The following CYTH1 variants were observed in gnomAD, a reference collection of about 807,000 sequenced individuals.
The protein encoded by CYTH1 is cytohesin 1, also known as cytohesin-1.
CYTH1 carries 18 observed loss-of-function variants against 61.8 expected under a neutral mutation model. The observed-to-expected ratio is 0.29, with a 90% confidence interval of 0.20 to 0.43. The LOEUF (loss-of-function observed/expected upper bound fraction) is 0.43. Among genes scored for constraint, CYTH1 ranks in the 20% least tolerant of loss-of-function variants. CYTH1 has a pLI of 1.00. For missense variants in CYTH1, 336 were observed against 510.5 expected, an observed-to-expected ratio of 0.66 and a Z score of 3.29; for synonymous variants, 174 against 184.3, an observed-to-expected ratio of 0.94 and a Z score of 0.45.
intron 7 of CYTH1, 37 bp from the exon 8 acceptor site, chr17:78,699,005 T>C (rs370877316): frequency 2.5e-6 from 4 of 1,599,710 alleles, no homozygotes; most frequent in East Asian, 2.3e-5. Context: ...AGCCGTTGCA[T>C]GCTCAGATGT....
At chr17:78,768,307 T>C (rs2093457063) in intron 1 of CYTH1, among the ~76,000 whole-genome samples, 1 of 152,162 alleles carries the variant, frequency 6.6e-6, no homozygotes, top group Non-Finnish European at 1.5e-5. Context: ...GACGACATCC[T>C]TGGACTCCTC....
intron 2 of CYTH1, 152 bp downstream of exon 2, chr17:78,709,498 A>T: frequency 1.5e-6 from 1 of 686,970 alleles, no homozygotes; most frequent in Non-Finnish European, 2.5e-6. Flanking sequence ...AGGAAAGGTG[A>T]CTGATTATCA....
chr17:78,760,496 TAC>T (rs1166031357), intron 1 of CYTH1, among the ~76,000 whole-genome samples: 2 of 50,634 alleles, frequency 3.9e-5, no homozygotes, highest in Non-Finnish European at 7.2e-5. Context: ...TATATATATA[TAC>T]ATATATATGT....
At chr17:78,781,400 G>A (rs1057232950) in intron 1 of CYTH1, among the ~76,000 whole-genome samples, 1 of 152,226 alleles carries the variant, frequency 6.6e-6, no homozygotes, top group African/African-American at 2.4e-5. Flanking sequence ...TTGGAGGGAG[G>A]CACCCCTGGC....
intron 13 of CYTH1, chr17:78,677,523 G>A (rs1049246956): frequency 1.2e-5 from 2 of 165,812 alleles, no homozygotes; most frequent in Non-Finnish European, 2.6e-5. Context: ...ACATCTCAGC[G>A]CCTAGCCGAC....
intron 11 of CYTH1, among the ~76,000 whole-genome samples, chr17:78,681,427 C>A (rs1043483729): frequency 6.6e-6 from 1 of 152,160 alleles, no homozygotes; most frequent in Non-Finnish European, 1.5e-5. Flanking sequence ...TTCCTAGTTT[C>A]ACCCTAGCGC....
chr17:78,733,719 TG>T (rs2093306687), intron 1 of CYTH1, among the ~76,000 whole-genome samples: 1 of 152,224 alleles, frequency 6.6e-6, no homozygotes, highest in Non-Finnish European at 1.5e-5. Flanking sequence ...AGCCAGAACT[TG>T]AAGGACCAAC....
intron 1 of CYTH1, among the ~76,000 whole-genome samples, chr17:78,764,076 A>G (rs1356050981): frequency 6.6e-6 from 1 of 152,088 alleles, no homozygotes; most frequent in African/African-American, 2.4e-5. Context: ...CCATCACTGC[A>G]CTCCAGCCTG....
chr17:78,682,278 G>A (rs189299456), intron 11 of CYTH1, among the ~76,000 whole-genome samples: 5 of 152,140 alleles, frequency 3.3e-5, no homozygotes, highest in African/African-American at 9.6e-5. Flanking sequence ...TTATATTTCT[G>A]TGACCTTACC....
At chr17:78,763,486 A>C (rs1217647230) in intron 1 of CYTH1, among the ~76,000 whole-genome samples, 1 of 152,110 alleles carries the variant, frequency 6.6e-6, no homozygotes, top group African/African-American at 2.4e-5. Context: ...GGATGCCTAG[A>C]CCACAAATAG....
intron 1 of CYTH1, among the ~76,000 whole-genome samples, chr17:78,748,930 A>G (rs928429797): frequency 6.6e-6 from 1 of 152,210 alleles, no homozygotes; most frequent in Non-Finnish European, 1.5e-5. Flanking sequence ...CAGCTGACAC[A>G]GAGCAAACTG....
At chr17:78,708,361 A>C in intron 2 of CYTH1, 100 bp from the exon 3 acceptor site, 2 of 1,112,280 alleles carry the variant, frequency 1.8e-6, no homozygotes, top group Non-Finnish European at 2.6e-6. Flanking sequence ...AAACAAAATA[A>C]AGCAAAATGA....
intron 10 of CYTH1, among the ~76,000 whole-genome samples, chr17:78,693,616 C>T (rs988144310): frequency 2.7e-5 from 4 of 147,724 alleles, no homozygotes; most frequent in Admixed American, 6.7e-5. Context: ...GGGAGACTCC[C>T]TCTCAAAAAA....
At chr17:78,739,009 G>A (rs1013845388) in intron 1 of CYTH1, among the ~76,000 whole-genome samples, 1 of 152,204 alleles carries the variant, frequency 6.6e-6, no homozygotes, top group Non-Finnish European at 1.5e-5. Context: ...GTGGGAAACG[G>A]TTTCTCGTTG....
rs754087658 is a variant in CYTH1, at chr17:78,698,821, C to T, written c.698G>A (p.Arg233Gln). Residue 233 changes from arginine (R) to glutamine (Q), a missense_variant and splice_region_variant, in exon 8 of 14, where the codon CGG becomes CAG. Coordinates refer to ENST00000446868, the MANE Select transcript of CYTH1 (RefSeq NM_004762.6). The stretch of plus-strand genomic sequence containing the variant: ...TGAAGACCATTCTTCCTTGCTTACC[C>T]GGAGGAGCTCCTCCGGCAGGTCTCC... ...DGGDLPEELL[R>Q]NLYESIKNEP... 1.5e-5 allele frequency: 24 copies of T among 1,575,574 alleles called. No homozygotes were observed. Among genetic ancestry groups the T allele is most frequent in the South Asian group, 7.2e-5 (6 of 83,642 alleles).
intron 1 of CYTH1, among the ~76,000 whole-genome samples, chr17:78,772,103 C>G (rs2093473691): frequency 6.6e-6 from 1 of 152,158 alleles, no homozygotes. Flanking sequence ...TAGAGACAAT[C>G]AAGTAGTGTG....
At chr17:78,696,628 A>T (rs1172340394) in intron 9 of CYTH1, 1 of 152,322 alleles carries the variant, frequency 6.6e-6, no homozygotes, top group Non-Finnish European at 1.5e-5. Context: ...GATTTGATGG[A>T]GGTTTAGAAA....
At chr17:78,699,163 A>C (rs1211522127) in intron 7 of CYTH1, among the ~76,000 whole-genome samples, 195 bp from the exon 8 acceptor site, 1 of 152,142 alleles carries the variant, frequency 6.6e-6, no homozygotes, top group East Asian at 1.9e-4. Flanking sequence ...TCAGGAGTTC[A>C]AGCCTAGCCT....
In CYTH1 at chr17:78,704,071, A is replaced by T. The variant is rs540813563; in HGVS notation, c.171-1467T>A. On this transcript the variant is annotated intron_variant, in intron 3 of 13. Transcript: ENST00000446868. ...TGCAGATTCACAGACCAAGCTTCTCAAAGTCTGGTCCACCAACCAGCAGCC... is the reference window on the plus strand; with the variant it reads ...TGCAGATTCACAGACCAAGCTTCTCTAAGTCTGGTCCACCAACCAGCAGCC... Among the ~76,000 whole-genome samples, 45 of 152,354 alleles carry T rather than the reference A, an allele frequency of 3.0e-4. 2 individuals carry two copies. In the South Asian group the frequency reaches 9.3e-3, roughly 32 times the overall value.
Sources: gnomAD v4.1 joint callset for allele counts (sites outside exome capture counted in the v4.1 genomes callset) on GRCh38, gnomAD v4.1.1 for gene constraint, MANE v1.5 for transcripts, NCBI Gene and HGNC (gene_info 2026-07-23, HGNC 2026-07-21) for gene names.